The following SH3BGR variants were observed in gnomAD, a reference collection of about 807,000 sequenced individuals.
The protein encoded by SH3BGR is SH3 domain binding glutamate rich protein.
A neutral mutation model predicts 24.5 loss-of-function variants in SH3BGR; 29 were observed. The observed-to-expected ratio is 1.18, with a 90% confidence interval of 0.88 to 1.61. The LOEUF is 1.61. Ranked by LOEUF, SH3BGR falls within the 40% of genes most tolerant of loss-of-function variation. SH3BGR has a pLI of 0.00. For missense variants in SH3BGR, 162 were observed against 205.8 expected, an observed-to-expected ratio of 0.79 and a Z score of 1.30; for synonymous variants, 55 against 65.7, an observed-to-expected ratio of 0.84 and a Z score of 0.79.
At chr21:39,498,719 C>T (rs1035108869) in intron 3 of SH3BGR, among the ~76,000 whole-genome samples, 2 of 152,156 alleles carry the variant, frequency 1.3e-5, no homozygotes, top group Non-Finnish European at 2.9e-5. Context: ...TCCCCATGCC[C>T]GTTTCCTCAA....
intron 3 of SH3BGR, among the ~76,000 whole-genome samples, chr21:39,480,849 C>T (rs951298162): frequency 6.6e-6 from 1 of 152,198 alleles, no homozygotes; most frequent in Non-Finnish European, 1.5e-5. Context: ...ATGCTCATTT[C>T]TGTTTAACAA....
upstream of SH3BGR, chr21:39,451,788 A>C: frequency 4.2e-5 from 45 of 1,073,236 alleles, no homozygotes; most frequent in Non-Finnish European, 5.2e-5. Context: ...CCTTTTAGGG[A>C]CTGTTGTCGC....
intron 1 of SH3BGR, among the ~76,000 whole-genome samples, chr21:39,456,861 T>C (rs534191888): frequency 4.6e-5 from 7 of 152,278 alleles, no homozygotes; most frequent in Admixed American, 3.3e-4. Context: ...GTAAGTGTTG[T>C]GTTGTGGCAA....
At chr21:39,512,831 C>T (rs1446016027) in intron 6 of SH3BGR, among the ~76,000 whole-genome samples, 1 of 151,994 alleles carries the variant, frequency 6.6e-6, no homozygotes, top group Non-Finnish European at 1.5e-5. Flanking sequence ...CAAAACAAAA[C>T]AGAAGACATT....
Position 39,462,202 on chromosome 21 carries a change from G to T in SH3BGR, c.46-173G>T, listed in dbSNP as rs117395315. On this transcript the variant is annotated intron_variant, in intron 1 of 6. Transcript: ENST00000333634. ...ATACTAAAATTTCAGAATTTAAATA[G>T]TCATTTGGTTGACCCTTTATAACAA... Among the ~76,000 whole-genome samples the T allele has an allele frequency of 1.7e-4, 26 of 152,228 alleles. 1 individual carries two copies. The East Asian group carries it at 5.0e-3, about 29-fold the overall frequency.
intron 1 of SH3BGR, among the ~76,000 whole-genome samples, chr21:39,453,378 G>A (rs1397094217): frequency 1.3e-5 from 2 of 151,992 alleles, no homozygotes; most frequent in African/African-American, 4.8e-5. Context: ...TGATCTAGAA[G>A]GAGTAAATTT....
intron 2 of SH3BGR, among the ~76,000 whole-genome samples, chr21:39,464,817 A>G (rs1357139211): frequency 6.6e-6 from 1 of 152,158 alleles, no homozygotes; most frequent in Non-Finnish European, 1.5e-5. Context: ...CTTGTTGGAT[A>G]AGGAAAGGGA....
intron 4 of SH3BGR, among the ~76,000 whole-genome samples, chr21:39,508,731 A>G (rs1368374992): frequency 2.6e-5 from 4 of 152,246 alleles, no homozygotes; most frequent in African/African-American, 7.2e-5. Context: ...ACTAAGCAGT[A>G]TTAATAATTA....
intron 4 of SH3BGR, among the ~76,000 whole-genome samples, chr21:39,503,799 G>T: frequency 6.6e-6 from 1 of 152,300 alleles, no homozygotes; most frequent in East Asian, 1.9e-4. Flanking sequence ...CTTGATAAAG[G>T]ATTGAGGCAG....
At chr21:39,473,922 A>C (rs1482054123) in intron 2 of SH3BGR, among the ~76,000 whole-genome samples, 1 of 151,876 alleles carries the variant, frequency 6.6e-6, no homozygotes, top group South Asian at 2.1e-4. Context: ...ACAGGAATAC[A>C]TAATACTTTT....
intron 3 of SH3BGR, among the ~76,000 whole-genome samples, chr21:39,485,102 G>A (rs1456780181): frequency 6.6e-6 from 1 of 152,202 alleles, no homozygotes; most frequent in Non-Finnish European, 1.5e-5. Flanking sequence ...GGCTTTGTAA[G>A]TAAGCATTGG....
intron 4 of SH3BGR, among the ~76,000 whole-genome samples, chr21:39,500,526 A>G (rs1037789256): frequency 6.6e-6 from 1 of 152,070 alleles, no homozygotes; most frequent in Non-Finnish European, 1.5e-5. Flanking sequence ...CCAAGCTGAC[A>G]TAATAGGGGA....
At chr21:39,471,688 C>T (rs890218782) in intron 2 of SH3BGR, among the ~76,000 whole-genome samples, 4 of 152,050 alleles carry the variant, frequency 2.6e-5, no homozygotes, top group African/African-American at 9.7e-5. Context: ...TCTTGAACTC[C>T]TGGGCTCAAA....
At chr21:39,476,455 T>C (rs2078029340) in intron 3 of SH3BGR, among the ~76,000 whole-genome samples, 1 of 152,146 alleles carries the variant, frequency 6.6e-6, no homozygotes, top group South Asian at 2.1e-4. Flanking sequence ...AACGAGGGAC[T>C]ATGCATAGAC....
chr21:39,461,135 AT>A (rs56088801), intron 1 of SH3BGR, among the ~76,000 whole-genome samples: 22,484 of 126,922 alleles, frequency 0.18, 1,624 homozygotes, highest in Middle Eastern at 0.23. Context: ...AGTTTTGTAG[AT>A]TTTTTTTTTT....
intron 3 of SH3BGR, 60 bp downstream of exon 3, chr21:39,475,275 TCACCG>T: frequency 9.9e-7 from 1 of 1,010,506 alleles, no homozygotes; most frequent in Non-Finnish European, 1.6e-6. Flanking sequence ...AAGGTAGAAA[TCACCG>T]CATCCAAGAC....
chr21:39,480,484 T>G (rs2078112738), intron 3 of SH3BGR, among the ~76,000 whole-genome samples: 1 of 152,212 alleles, frequency 6.6e-6, no homozygotes. Flanking sequence ...CTTGGCATCA[T>G]GTTGTCAAGG....
At position 39,499,920 on chromosome 21, in the gene SH3BGR, G is replaced by T; in HGVS notation, c.405+5G>T. ...CCTGAAGCCCAGGAGAAGAATGTGA[G>T]TTTTCGCTTTTTCACAGCAGTTTGA... On this transcript the variant is annotated splice_donor_5th_base_variant and intron_variant, in intron 4 of 6. Coordinates refer to ENST00000333634, the MANE Select transcript of SH3BGR (RefSeq NM_007341.3). The T allele has an allele frequency of 1.9e-6, 3 of 1,606,092 alleles. No homozygotes were observed. The highest frequency in any genetic ancestry group is 2.6e-6 in the Non-Finnish European group (3 of 1,172,936).
At chr21:39,472,626 A>T (rs115398179) in intron 2 of SH3BGR, among the ~76,000 whole-genome samples, 1 of 152,142 alleles carries the variant, frequency 6.6e-6, no homozygotes, top group Non-Finnish European at 1.5e-5. Flanking sequence ...TTGAACTGCA[A>T]CCTCTCATGA....
Sources: gnomAD v4.1 joint callset for allele counts (sites outside exome capture counted in the v4.1 genomes callset) on GRCh38, gnomAD v4.1.1 for gene constraint, MANE v1.5 for transcripts, NCBI Gene and HGNC (gene_info 2026-07-23, HGNC 2026-07-21) for gene names.